Variants in SCMH1 observed in about 807,000 individuals in gnomAD.
SCMH1 encodes the protein Scm polycomb group protein homolog 1.
Under a neutral mutation model 70.8 loss-of-function variants are expected in SCMH1, and 37 were observed. That is an observed-to-expected ratio of 0.52 (90% CI 0.40 to 0.69). SCMH1 has a LOEUF of 0.69. Among genes scored for constraint, SCMH1 ranks in the 30% least tolerant of loss-of-function variants. The probability of loss-of-function intolerance (pLI) is 0.00; values close to 1 mark genes in which losing one functional copy is unlikely to be tolerated. For missense variants in SCMH1, 607 were observed against 827.3 expected (o/e 0.73, Z 3.27); for synonymous variants, 292 against 307.4 (o/e 0.95, Z 0.52).
At chr1:41,179,645 C>T (rs1282782627) in intron 2 of SCMH1, among the ~76,000 whole-genome samples, 2 of 152,052 alleles carry the variant, frequency 1.3e-5, no homozygotes, top group Admixed American at 6.5e-5. Context: ...ACACATACAC[C>T]CTCCCAAGAC....
intron 8 of SCMH1, among the ~76,000 whole-genome samples, chr1:41,104,787 G>A (rs475390): frequency 0.85 from 128,931 of 152,046 alleles, 55,195 homozygotes; most frequent in East Asian, 0.97. Context: ...GGCTTATTAG[G>A]AAAAAAAGCT....
intron 1 of SCMH1, among the ~76,000 whole-genome samples, chr1:41,199,887 CAA>C (rs1329832393): frequency 2.0e-5 from 3 of 152,100 alleles, no homozygotes; most frequent in Admixed American, 1.3e-4. Flanking sequence ...AAATTCAAAT[CAA>C]AGAAAGATTG....
chr1:41,096,487 G>A lies in SCMH1; in HGVS notation c.745+16796C>T, dbSNP rs116204000. On this transcript the variant is annotated intron_variant, in intron 8 of 14. Coordinates refer to ENST00000337495, the Ensembl canonical transcript of SCMH1. ...AAATAACAATTGAAGAGATCAGTCC[G>A]GCACTGGCTACATAGTGAACGCTCA... Among the ~76,000 whole-genome samples the A allele has an allele frequency of 8.1e-3, 1,240 of 152,256 alleles. 13 individuals carry two copies. The highest frequency in any genetic ancestry group is 8.5e-3 in the Non-Finnish European group (578 of 68,016).
chr1:41,157,456 TAATAGA>T (rs1645646056), intron 4 of SCMH1, among the ~76,000 whole-genome samples: 1 of 152,192 alleles, frequency 6.6e-6, no homozygotes, highest in Non-Finnish European at 1.5e-5. Flanking sequence ...AATTTTTACT[TAATAGA>T]AATAAAGCAT....
intron 6 of SCMH1, among the ~76,000 whole-genome samples, chr1:41,118,921 T>C (rs1171421292): frequency 6.6e-6 from 1 of 152,228 alleles, no homozygotes; most frequent in East Asian, 1.9e-4. Context: ...TCTGATGTTA[T>C]TGAGCACTTT....
chr1:41,098,919 TG>T, intron 8 of SCMH1: 1 of 248,932 alleles, frequency 4.0e-6, no homozygotes, highest in Non-Finnish European at 7.8e-6. Flanking sequence ...AAGTCCCTCC[TG>T]ACCACTGGGT....
intron 2 of SCMH1, among the ~76,000 whole-genome samples, chr1:41,184,410 T>C (rs1433806339): frequency 6.6e-6 from 1 of 152,176 alleles, no homozygotes; most frequent in Non-Finnish European, 1.5e-5. Flanking sequence ...ATCTGACAAT[T>C]AAAAAACTGA....
At chr1:41,098,380 T>C (rs984444062) in intron 8 of SCMH1, among the ~76,000 whole-genome samples, 97 of 152,286 alleles carry the variant, frequency 6.4e-4, no homozygotes, top group African/African-American at 2.3e-3. Context: ...AAATAGAAAA[T>C]AACTCACATT....
At chr1:41,046,041 C>T (rs1646856952) in intron 12 of SCMH1, among the ~76,000 whole-genome samples, 1 of 152,244 alleles carries the variant, frequency 6.6e-6, no homozygotes, top group Admixed American at 6.5e-5. Flanking sequence ...AACCTTCCTG[C>T]TGGCAAGGGA....
At chr1:41,090,473 G>C (rs1663088074) in intron 8 of SCMH1, among the ~76,000 whole-genome samples, 2 of 151,936 alleles carry the variant, frequency 1.3e-5, no homozygotes, top group Non-Finnish European at 2.9e-5. Flanking sequence ...AGCTGGAAAA[G>C]GGAGGAGTAC....
At chr1:41,106,302 G>C (rs1485494117) in intron 8 of SCMH1, among the ~76,000 whole-genome samples, 2 of 151,584 alleles carry the variant, frequency 1.3e-5, no homozygotes, top group Non-Finnish European at 2.9e-5. Flanking sequence ...CTCAGGGTGT[G>C]GTTCTGTCCT....
intron 10 of SCMH1, among the ~76,000 whole-genome samples, chr1:41,049,715 C>T (rs1647324183): frequency 6.9e-6 from 1 of 143,996 alleles, no homozygotes; most frequent in Non-Finnish European, 1.5e-5. Flanking sequence ...TGCAGTGAGC[C>T]GAGATTGCGC....
intron 1 of SCMH1, among the ~76,000 whole-genome samples, chr1:41,236,451 T>G (rs1403008734): frequency 6.6e-6 from 1 of 152,004 alleles, no homozygotes; most frequent in African/African-American, 2.4e-5. Context: ...AACAGGAGTT[T>G]GAGAGAGCAA....
At chr1:41,217,764 G>C (rs777078361) in intron 1 of SCMH1, among the ~76,000 whole-genome samples, 1 of 152,186 alleles carries the variant, frequency 6.6e-6, no homozygotes, top group Non-Finnish European at 1.5e-5. Flanking sequence ...GGGCCAATGA[G>C]ACATTCTCAG....
chr1:41,205,198 G>C (rs1012340233), intron 1 of SCMH1, among the ~76,000 whole-genome samples: 6 of 152,196 alleles, frequency 3.9e-5, no homozygotes, highest in Non-Finnish European at 8.8e-5. Context: ...TGGTTGGACA[G>C]TGGATACAGC....
intron 1 of SCMH1, among the ~76,000 whole-genome samples, chr1:41,189,837 T>C (rs1422480996): frequency 1.3e-5 from 2 of 152,340 alleles, no homozygotes; most frequent in East Asian, 1.9e-4. Flanking sequence ...GCAGTCCTAG[T>C]ATTCTTTAAC....
chr1:41,131,819 G>A (rs1481861356), intron 6 of SCMH1, among the ~76,000 whole-genome samples: 1 of 152,180 alleles, frequency 6.6e-6, no homozygotes, highest in East Asian at 1.9e-4. Flanking sequence ...CTGTCCTTGT[G>A]ATAGTTTGCT....
chr1:41,103,005 ATCT>A (rs1344974886), intron 8 of SCMH1, among the ~76,000 whole-genome samples: 1 of 151,940 alleles, frequency 6.6e-6, no homozygotes, highest in African/African-American at 2.4e-5. Context: ...GGTTTTTCTC[ATCT>A]TCTTAACATA....
At chr1:41,061,677 T>C (rs1307888649) in intron 10 of SCMH1, among the ~76,000 whole-genome samples, 1 of 152,128 alleles carries the variant, frequency 6.6e-6, no homozygotes, top group African/African-American at 2.4e-5. Context: ...CAAACAGATA[T>C]AAAATCAGTA....
Sources: allele counts gnomAD v4.1 joint callset (sites outside exome capture counted in the v4.1 genomes callset), GRCh38; gene constraint gnomAD v4.1.1; transcripts MANE v1.5; gene names NCBI Gene and HGNC (gene_info 2026-07-23, HGNC 2026-07-21).